The following CFAP57 variants were observed in gnomAD, a reference collection of about 807,000 sequenced individuals.
The protein encoded by CFAP57 is cilia and flagella associated protein 57, also known as cilia- and flagella-associated protein 57.
Under a neutral mutation model 146.8 loss-of-function variants are expected in CFAP57, and 116 were observed. The observed-to-expected ratio is 0.79, with a 90% CI of 0.68 to 0.92. The LOEUF (loss-of-function observed/expected upper bound fraction) is 0.92, where lower values mean the gene tolerates loss of function less well. CFAP57 is among the 40% of genes least tolerant of loss of function. The pLI, the probability that CFAP57 is intolerant of heterozygous loss-of-function variation, is 0.00. For missense variants in CFAP57, 1,377 were observed against 1,527.2 expected (o/e 0.90, Z 1.64); for synonymous variants, 518 against 552.8 (o/e 0.94, Z 0.88).
chr1:43,240,640 C>G lies in CFAP57; in HGVS notation c.3406-2587C>G, dbSNP rs866497331. ...GACAATGAGGACTGGGCATTTCATC[C>G]GAGACAGAGAGATTTCATTACTATA... On this transcript the variant is annotated intron_variant, in intron 21 of 22. Coordinates refer to ENST00000372492, the MANE Select transcript of CFAP57 (RefSeq NM_001378189.1). Among the ~76,000 whole-genome samples the G allele has an allele frequency of 1.5e-4, 23 of 152,194 alleles. No individual in the cohort carries two copies. In the Middle Eastern group the frequency reaches 0.017, roughly 113 times the overall value.
intron 6 of CFAP57, 46 bp from the exon 7 acceptor site, chr1:43,197,507 G>A (rs200592373): frequency 2.0e-5 from 33 of 1,614,088 alleles, no homozygotes; most frequent in South Asian, 1.1e-4. Context: ...TGTACAGCCA[G>A]CCTTTTGCTT....
Position 43,254,116 on chromosome 1 carries a change from G to T in CFAP57, c.3678G>T (p.Gly1226=). The T allele has an allele frequency of 1.3e-6, 2 of 1,550,754 alleles. No individual in the cohort carries two copies. The highest frequency in any genetic ancestry group is 1.2e-5 in the South Asian group (1 of 84,058). The change falls in exon 23 of 23, where the codon GGG becomes GGT. Residue 1226 remains glycine (G), a synonymous_variant. Transcript: ENST00000372492. The stretch of plus-strand genomic sequence containing the variant: ...TCCAAGAGCAAGAGCAGGTCACAGG[G>T]TTCCACACCCTCGCTGGAGTTCGGC... The part of the protein sequence containing the change: ...DQIQEQEQVT[G]FHTLAGVRLP...
intron 6 of CFAP57, among the ~76,000 whole-genome samples, chr1:43,195,910 A>G (rs925289486): frequency 2.0e-5 from 3 of 152,264 alleles, no homozygotes; most frequent in Non-Finnish European, 4.4e-5. Context: ...TTTGTCTTAT[A>G]TGAATTTATG....
Position 43,191,733 on chromosome 1 carries a change from A to G in CFAP57, c.1122+4874A>G, listed in dbSNP as rs375194714. Among the ~76,000 whole-genome samples the G allele has an allele frequency of 7.6e-5, 11 of 144,628 alleles. No individual in the cohort carries two copies. In the South Asian group the frequency reaches 1.5e-3, roughly 20 times the overall value. The allele number at this position is 144,628 out of a possible 152,430, so 94.9% of individuals were successfully genotyped here. On this transcript the variant is annotated intron_variant, in intron 6 of 22. Transcript: ENST00000372492. ...TTTCTCTATTGCTTTGCTATTCTCT[A>G]TTTCATTAATGTTCACTCTAATCTT... is the stretch of plus-strand genomic sequence containing the variant.
At chr1:43,173,734 TAAC>T (rs751288705) in intron 2 of CFAP57, among the ~76,000 whole-genome samples, 9 of 152,368 alleles carry the variant, frequency 5.9e-5, no homozygotes, top group East Asian at 5.8e-4. Context: ...ATTTGGGAAA[TAAC>T]AATCATTTGC....
At chr1:43,182,971 C>T (rs1218977156) in intron 3 of CFAP57, among the ~76,000 whole-genome samples, 4 of 152,248 alleles carry the variant, frequency 2.6e-5, no homozygotes, top group African/African-American at 9.6e-5. Flanking sequence ...AAGTAATACG[C>T]TTTCATGATG....
intron 6 of CFAP57, among the ~76,000 whole-genome samples, chr1:43,193,011 T>C (rs1643642184): frequency 6.6e-6 from 1 of 152,234 alleles, no homozygotes; most frequent in Non-Finnish European, 1.5e-5. Context: ...CCCTTCATTC[T>C]TGACAATTTT....
chr1:43,209,984 CA>C, intron 11 of CFAP57, 68 bp downstream of exon 11: 3 of 1,613,306 alleles, frequency 1.9e-6, no homozygotes, highest in Non-Finnish European at 2.5e-6. Flanking sequence ...TTCATCCCTT[CA>C]ACCTCCCAAT....
chr1:43,217,484 C>T (rs1644878404), intron 12 of CFAP57, among the ~76,000 whole-genome samples: 1 of 152,104 alleles, frequency 6.6e-6, no homozygotes, highest in Non-Finnish European at 1.5e-5. Context: ...TAGTTTTATG[C>T]TAGGTTCTGG....
rs1569874623 is a variant in CFAP57 at position 43,185,146 on chromosome 1, C to T, written c.762-3C>T. 1 of 1,613,660 alleles carries T rather than the reference C, an allele frequency of 6.2e-7. No homozygotes were observed. The highest frequency in any genetic ancestry group is 2.2e-5 in the East Asian group (1 of 44,870). ...ATTATGTATGCTGTTTTTTTGTTTCCAGCCTGATTGAATTTCCACCAGTCA... is the reference window on the plus strand; with the variant it reads ...ATTATGTATGCTGTTTTTTTGTTTCTAGCCTGATTGAATTTCCACCAGTCA... On this transcript the variant is annotated splice_polypyrimidine_tract_variant and splice_region_variant and intron_variant, in intron 4 of 22. Coordinates refer to ENST00000372492, the MANE Select transcript of CFAP57 (RefSeq NM_001378189.1).
chr1:43,210,308 G>T (rs369485651), intron 11 of CFAP57: 34 of 1,418,068 alleles, frequency 2.4e-5, no homozygotes, highest in Non-Finnish European at 2.9e-5. Flanking sequence ...CTCCCTGAGG[G>T]TACAAAAGGC....
rs116032767 is a variant in CFAP57, at chr1:43,202,855, A to G, written c.1542+3352A>G. On this transcript the variant is annotated intron_variant, in intron 9 of 22. Transcript: ENST00000372492. ...TATGCAAATAAATTTTAATATATAGATGAAACTGACAAATTCCTATAAAAA... is the reference window on the plus strand; with the variant it reads ...TATGCAAATAAATTTTAATATATAGGTGAAACTGACAAATTCCTATAAAAA... Among the ~76,000 whole-genome samples the G allele has an allele frequency of 4.5e-3, 687 of 151,872 alleles. 3 individuals are homozygous for G. Among genetic ancestry groups the G allele is most frequent in the African/African-American group, 0.016 (658 of 41,402 alleles).
In CFAP57 at chr1:43,219,442, C is replaced by G; in HGVS notation, c.2152C>G (p.Gln718Glu). The part of the protein sequence containing the change: ...VEELKMENEY[Q>E]LRLKDMNYSE... ...GGAATTAAAAATGGAGAATGAGTAT[C>G]AACTCCGACTAAAGGACATGAACTA... is the stretch of plus-strand genomic sequence containing the variant. Residue 718 changes from glutamine to glutamate, a missense_variant, in exon 13 of 23, where the codon CAA becomes GAA. Coordinates refer to ENST00000372492, the MANE Select transcript of CFAP57 (RefSeq NM_001378189.1). The G allele has an allele frequency of 6.4e-7, 1 of 1,550,576 alleles. No homozygotes were observed. Among genetic ancestry groups the G allele is most frequent in the African/African-American group, 1.4e-5 (1 of 73,148 alleles).
At position 43,222,109 on chromosome 1, in the gene CFAP57, T is replaced by C; in HGVS notation, c.2346T>C (p.Cys782=). 1 of 1,546,748 alleles carries C rather than the reference T, an allele frequency of 6.5e-7. No homozygotes were observed. Among genetic ancestry groups the C allele is most frequent in the Non-Finnish European group, 8.7e-7 (1 of 1,144,990 alleles). ...ACCATCCTTGCTTCTCTCCAGAATG[T>C]TGCAACAACCAAAAGTTGCTTCTAG... is the stretch of plus-strand genomic sequence containing the variant. ...KQSRELQDME[C]CNNQKLLLEY... The change falls in exon 15 of 23, where the codon TGT becomes TGC. Residue 782 remains cysteine, a synonymous_variant. Transcript: ENST00000372492.
intron 13 of CFAP57, among the ~76,000 whole-genome samples, chr1:43,219,913 C>A (rs935005654): frequency 6.6e-6 from 1 of 151,938 alleles, no homozygotes; most frequent in Non-Finnish European, 1.5e-5. Flanking sequence ...GAGCTGAGAT[C>A]GCTCCACAGC....
At chr1:43,243,874 A>C (rs1468919568) in intron 22 of CFAP57, among the ~76,000 whole-genome samples, 1 of 152,206 alleles carries the variant, frequency 6.6e-6, no homozygotes, top group Non-Finnish European at 1.5e-5. Flanking sequence ...ATAAATATTA[A>C]ATGAGTCAGT....
chr1:43,219,570 T>C, intron 13 of CFAP57, 33 bp downstream of exon 13: 1 of 1,549,368 alleles, frequency 6.5e-7, no homozygotes, highest in Non-Finnish European at 8.7e-7. Flanking sequence ...CAAGCACAAA[T>C]AACAAGAAAT....
chr1:43,232,405 C>T (rs1365951126), intron 18 of CFAP57, 103 bp from the exon 19 acceptor site: 38 of 893,088 alleles, frequency 4.3e-5, no homozygotes, highest in Non-Finnish European at 5.9e-5. Context: ...AAGAAATGCC[C>T]GGGTGTCAGG....
At chr1:43,188,576 G>T (rs659458) in intron 6 of CFAP57, among the ~76,000 whole-genome samples, 1 of 152,066 alleles carries the variant, frequency 6.6e-6, no homozygotes, top group African/African-American at 2.4e-5. Context: ...TTGAAGAAAT[G>T]TCTATTCAGA....
Sources: allele counts gnomAD v4.1 joint callset (sites outside exome capture counted in the v4.1 genomes callset), GRCh38; gene constraint gnomAD v4.1.1; transcripts MANE v1.5; gene names NCBI Gene and HGNC (gene_info 2026-07-23, HGNC 2026-07-21).